CDH12: variants seen among roughly 807,000 people sequenced by gnomAD.
The protein encoded by CDH12 is cadherin-12.
CDH12 carries 41 observed loss-of-function variants against 74.1 expected under a neutral mutation model. The observed-to-expected ratio is 0.55, with a 90% CI of 0.43 to 0.72. The LOEUF (loss-of-function observed/expected upper bound fraction) is 0.72, where lower values mean the gene tolerates loss of function less well. Among genes scored for constraint, CDH12 ranks in the 30% least tolerant of loss-of-function variants. CDH12 has a pLI of 0.00. For missense variants in CDH12, 945 were observed against 977.2 expected (o/e 0.97, Z 0.44); for synonymous variants, 399 against 355.0 (o/e 1.12, Z -1.39).
chr5:21,967,824 C>T (rs2431916), intron 6 of CDH12, among the ~76,000 whole-genome samples: 2 of 152,140 alleles, frequency 1.3e-5, no homozygotes, highest in East Asian at 1.9e-4. Flanking sequence ...TGAAAATAGT[C>T]CTGCCAAACT....
chr5:22,283,340 CAT>C (rs1233229113), intron 3 of CDH12, among the ~76,000 whole-genome samples: 1 of 149,096 alleles, frequency 6.7e-6, no homozygotes, highest in Non-Finnish European at 1.5e-5. Flanking sequence ...GTATATATCA[CAT>C]ATATCACATT....
At chr5:22,244,653 AAGAG>A (rs1391013665) in intron 3 of CDH12, among the ~76,000 whole-genome samples, 2 of 147,634 alleles carry the variant, frequency 1.4e-5, no homozygotes, top group Admixed American at 6.8e-5. Context: ...GGGAGAGAGA[AAGAG>A]AGAGGAAAGA....
intron 2 of CDH12, among the ~76,000 whole-genome samples, chr5:22,452,986 T>C (rs138656463): frequency 1.4e-3 from 213 of 151,052 alleles, no homozygotes; most frequent in African/African-American, 4.9e-3. Flanking sequence ...TGAAAATATG[T>C]TCAACATCAT....
intron 4 of CDH12, among the ~76,000 whole-genome samples, chr5:22,117,468 AATATATATATTATATATATATT>A (rs1358167783): frequency 0.046 from 3,496 of 75,836 alleles, 176 homozygotes; most frequent in Middle Eastern, 0.12. Flanking sequence ...TTATATATAT[AATATATATATTATATATATATT>A]ATATATATAT....
chr5:22,564,312 C>A (rs1739195775), intron 1 of CDH12, among the ~76,000 whole-genome samples: 1 of 152,144 alleles, frequency 6.6e-6, no homozygotes, highest in African/African-American at 2.4e-5. Context: ...GTAACTATTT[C>A]TCTATCGTAT....
Position 22,676,795 on chromosome 5 carries a change from A to C in CDH12, c.-522-171431T>G, listed in dbSNP as rs549852915. Among the ~76,000 whole-genome samples, 114 of 152,144 alleles carry C rather than the reference A, an allele frequency of 7.5e-4. 3 individuals carry two copies. In the Middle Eastern group the frequency reaches 0.014, roughly 18 times the overall value. On this transcript the variant is annotated intron_variant, in intron 1 of 14. Coordinates refer to ENST00000382254, the MANE Select transcript of CDH12 (RefSeq NM_004061.5). ...AGATTTAATATTTTTCTTTGAAAAA[A>C]TATGGAGAATAAAAATGCATGACTT...
At chr5:22,519,613 C>T (rs1391439627) in intron 1 of CDH12, among the ~76,000 whole-genome samples, 2 of 151,748 alleles carry the variant, frequency 1.3e-5, no homozygotes, top group African/African-American at 2.4e-5. Flanking sequence ...TTAGTAGAGA[C>T]GGGGTTTGAC....
chr5:21,987,910 T>G (rs1239637143), intron 5 of CDH12, among the ~76,000 whole-genome samples: 2 of 151,512 alleles, frequency 1.3e-5, no homozygotes, highest in Non-Finnish European at 2.9e-5. Flanking sequence ...GATCTTGTAA[T>G]CATCAGAAAG....
chr5:22,246,821 AT>A (rs1356635917), intron 3 of CDH12, among the ~76,000 whole-genome samples: 1 of 151,992 alleles, frequency 6.6e-6, no homozygotes, highest in Admixed American at 6.6e-5. Flanking sequence ...AGTTGTTAGA[AT>A]TTTTTTTAAG....
chr5:22,816,620 C>T (rs955884479), intron 1 of CDH12, among the ~76,000 whole-genome samples: 18 of 152,126 alleles, frequency 1.2e-4, no homozygotes, highest in African/African-American at 4.3e-4. Context: ...GATAATTTAA[C>T]ATATTAAGTT....
chr5:22,107,992 A>G (rs1347076250), intron 4 of CDH12, among the ~76,000 whole-genome samples: 1 of 152,246 alleles, frequency 6.6e-6, no homozygotes, highest in Non-Finnish European at 1.5e-5. Context: ...GTTCAGTAAT[A>G]GCATGGAACT....
chr5:22,022,575 C>T (rs111520947), intron 5 of CDH12, among the ~76,000 whole-genome samples: 12 of 152,056 alleles, frequency 7.9e-5, no homozygotes, highest in African/African-American at 2.2e-4. Context: ...ATATCATGGA[C>T]GAAATAATAG....
chr5:22,124,714 A>G (rs1745742903), intron 4 of CDH12, among the ~76,000 whole-genome samples: 1 of 152,198 alleles, frequency 6.6e-6, no homozygotes. Flanking sequence ...TCTTAAATTT[A>G]TCTTTCCCTG....
At chr5:22,719,713 A>T (rs1288872118) in intron 1 of CDH12, among the ~76,000 whole-genome samples, 2 of 152,144 alleles carry the variant, frequency 1.3e-5, no homozygotes, top group African/African-American at 4.8e-5. Context: ...GGGCAGGGAA[A>T]ATAATCATAA....
rs142847559 is a variant in CDH12, at chr5:22,040,514, C to T, written c.231+37932G>A. On this transcript the variant is annotated intron_variant, in intron 5 of 14. Coordinates refer to ENST00000382254, the MANE Select transcript of CDH12 (RefSeq NM_004061.5). ...TTCACTGAGACATATTGTAATTAAACTGTCAAAAGGTAAAGTCCAAGAGAG... is the reference window on the plus strand; with the variant it reads ...TTCACTGAGACATATTGTAATTAAATTGTCAAAAGGTAAAGTCCAAGAGAG... Among the ~76,000 whole-genome samples, 697 of 152,190 alleles carry T rather than the reference C, an allele frequency of 4.6e-3. 5 individuals are homozygous for T. Among genetic ancestry groups the T allele is most frequent in the African/African-American group, 0.016 (659 of 41,522 alleles).
rs988734414 is a variant in CDH12 at position 22,321,445 on chromosome 5, G to T, written c.-333+83812C>A. Among the ~76,000 whole-genome samples, 25 of 136,540 alleles carry T rather than the reference G, an allele frequency of 1.8e-4. 1 individual carries two copies. Among genetic ancestry groups the T allele is most frequent in the African/African-American group, 7.0e-4 (25 of 35,552 alleles). The allele number at this position is 136,540 out of a possible 152,430, so 89.6% of individuals were successfully genotyped here. A position where few individuals can be genotyped will look rare whatever the true frequency, so the allele number is the denominator to read the frequency against. On this transcript the variant is annotated intron_variant, in intron 3 of 14. Transcript: ENST00000382254. ...CACTCATAGGTGGGAATTGAACAAT[G>T]AGATCACATGGACACAGGAAGGGGA... is the stretch of plus-strand genomic sequence containing the variant.
At chr5:22,639,032 CAGAGTG>C (rs1388618535) in intron 1 of CDH12, 1 of 109,050 alleles carries the variant, frequency 9.2e-6, no homozygotes, top group Non-Finnish European at 1.7e-5. Flanking sequence ...GCGTGGGCGT[CAGAGTG>C]AGAGTCCGCC....
chr5:22,451,838 G>A (rs1374729113), intron 2 of CDH12, among the ~76,000 whole-genome samples: 2 of 151,832 alleles, frequency 1.3e-5, no homozygotes, highest in Non-Finnish European at 3.0e-5. Context: ...CAATGAAGTA[G>A]TGTAGACTCC....
chr5:22,696,654 G>A (rs1267004751), intron 1 of CDH12, among the ~76,000 whole-genome samples: 1 of 152,026 alleles, frequency 6.6e-6, no homozygotes, highest in African/African-American at 2.4e-5. Flanking sequence ...TAACATATTT[G>A]TTAATAAGAA....
Sources: gnomAD v4.1 joint callset for allele counts (sites outside exome capture counted in the v4.1 genomes callset) on GRCh38, gnomAD v4.1.1 for gene constraint, MANE v1.5 for transcripts, NCBI Gene and HGNC (gene_info 2026-07-23, HGNC 2026-07-21) for gene names.